ADAP1: variants seen among roughly 807,000 people sequenced by gnomAD.
ADAP1 encodes arf-GAP with dual PH domain-containing protein 1.
Under a neutral mutation model 54.9 loss-of-function variants are expected in ADAP1, and 31 were observed. The observed-to-expected ratio is 0.56, with a 90% CI of 0.42 to 0.76. ADAP1 has a LOEUF of 0.76. Ranked by LOEUF, ADAP1 falls within the 30% of genes least tolerant of loss-of-function variation. The pLI is 0.00. For synonymous variants in ADAP1, 313 were observed against 202.6 expected, an observed-to-expected ratio of 1.55 and a Z score of -4.63; for missense variants, 535 against 512.4, an observed-to-expected ratio of 1.04 and a Z score of -0.42.
chr7:955,150 G>A, upstream of ADAP1: 1 of 681,022 alleles, frequency 1.5e-6, no homozygotes, highest in Non-Finnish European at 2.6e-6. Flanking sequence ...CCCAGACGGA[G>A]CCTCCCCCTG....
At position 899,899 on chromosome 7, in the gene ADAP1, G is replaced by A. The variant is rs559197012; in HGVS notation, c.795+203C>T. Among the ~76,000 whole-genome samples, 7 of 152,358 alleles carry A rather than the reference G, an allele frequency of 4.6e-5. No individual in the cohort carries two copies. The East Asian group carries it at 1.4e-3, about 29-fold the overall frequency. On this transcript the variant is annotated intron_variant, in intron 8 of 10. Transcript: ENST00000265846. Reference sequence around the variant, plus strand: ...GGGTGAGGAAGCTGGTCAGACGTGAGCGGGCAGGGAGGGTCTAACCAAAGC... The same window carrying A: ...GGGTGAGGAAGCTGGTCAGACGTGAACGGGCAGGGAGGGTCTAACCAAAGC...
At chr7:911,226 G>T (rs1410166491) in intron 4 of ADAP1, among the ~76,000 whole-genome samples, 1 of 152,188 alleles carries the variant, frequency 6.6e-6, no homozygotes, top group East Asian at 1.9e-4. Context: ...GAGGGCTCCT[G>T]GGGTCAGCTC....
chr7:903,020 T>C (rs1233796102), intron 6 of ADAP1, among the ~76,000 whole-genome samples: 11 of 152,098 alleles, frequency 7.2e-5, no homozygotes, highest in Non-Finnish European at 2.9e-5. Context: ...GAGAAAGACG[T>C]AGGACCCGGG....
intron 2 of ADAP1, 49 bp downstream of exon 2, chr7:935,326 G>A (rs748409219): frequency 1.3e-6 from 2 of 1,538,398 alleles, no homozygotes; most frequent in South Asian, 1.2e-5. Context: ...GGCCCGGGCT[G>A]AGGCCACCCG....
intron 1 of ADAP1, 85 bp downstream of exon 1, chr7:954,311 T>TC: frequency 3.1e-6 from 3 of 982,836 alleles, no homozygotes; most frequent in Non-Finnish European, 1.2e-6. Context: ...CCCCGCCCGG[T>TC]CCCCGGGGCC....
chr7:910,665 G>A (rs1176573678), intron 4 of ADAP1, among the ~76,000 whole-genome samples: 1 of 152,230 alleles, frequency 6.6e-6, no homozygotes, highest in African/African-American at 2.4e-5. Context: ...CTTGTAAACT[G>A]GGGCAGGGAA....
intron 2 of ADAP1, among the ~76,000 whole-genome samples, chr7:928,445 C>T (rs1414339770): frequency 6.6e-6 from 1 of 152,180 alleles, no homozygotes; most frequent in East Asian, 1.9e-4. Flanking sequence ...CATATGTATA[C>T]TTTTAATTTG....
chr7:921,844 G>A (rs1280594650), intron 3 of ADAP1, among the ~76,000 whole-genome samples: 1 of 152,206 alleles, frequency 6.6e-6, no homozygotes, highest in Non-Finnish European at 1.5e-5. Flanking sequence ...TGAGAGGCAG[G>A]TGCCAGGGAC....
chr7:906,806 G>GGACAC (rs1554272533), intron 4 of ADAP1, among the ~76,000 whole-genome samples: 2 of 44,470 alleles, frequency 4.5e-5, no homozygotes, highest in African/African-American at 9.1e-5. Flanking sequence ...CAGGGGACAT[G>GGACAC]GGGGGACATG....
rs577121458 is a variant in ADAP1, at chr7:903,989, G to A, written c.648+137C>T. Reference sequence around the variant, plus strand: ...CCCGCCTTCCCACGCTGCCCAGCCCGACTTCCCGCCTTCTCATGCCGCCTA... The same window carrying A: ...CCCGCCTTCCCACGCTGCCCAGCCCAACTTCCCGCCTTCTCATGCCGCCTA... On this transcript the variant is annotated intron_variant, in intron 6 of 10. Transcript: ENST00000265846. 217 of 1,203,638 alleles carry A rather than the reference G, an allele frequency of 1.8e-4. 2 individuals are homozygous for A. The highest frequency in any genetic ancestry group is 8.4e-4 in the African/African-American group (53 of 63,306). 74.6% of individuals were successfully genotyped at this position (1,203,638 alleles called of 1,614,324 possible).
chr7:921,223 G>A (rs924521050), intron 3 of ADAP1, among the ~76,000 whole-genome samples: 2 of 152,134 alleles, frequency 1.3e-5, no homozygotes, highest in African/African-American at 4.8e-5. Context: ...CCCCCACCTC[G>A]GCGCCGTCCT....
chr7:904,010 G>A lies in ADAP1; in HGVS notation c.648+116C>T, dbSNP rs763210497. On this transcript the variant is annotated intron_variant, in intron 6 of 10. Coordinates refer to ENST00000265846, the MANE Select transcript of ADAP1 (RefSeq NM_006869.4). ...GCCCGACTTCCCGCCTTCTCATGCC[G>A]CCTAGCTCAAGTGCCTACCCTCCCG... 135 of 1,381,000 alleles carry A rather than the reference G, an allele frequency of 9.8e-5. 1 individual carries two copies. Among genetic ancestry groups the A allele is most frequent in the East Asian group, 8.5e-4 (32 of 37,442 alleles). The allele number at this position is 1,381,000 out of a possible 1,614,324, so 85.5% of individuals were successfully genotyped here.
intron 1 of ADAP1, among the ~76,000 whole-genome samples, chr7:942,523 G>T (rs374782010): frequency 5.9e-4 from 36 of 61,248 alleles, no homozygotes; most frequent in African/African-American, 1.5e-3. Flanking sequence ...GGAGAGAGGA[G>T]GAGGAAGGGA....
intron 1 of ADAP1, among the ~76,000 whole-genome samples, chr7:952,019 C>T (rs115425150): frequency 0.019 from 2,862 of 152,232 alleles, 84 homozygotes; most frequent in African/African-American, 0.065. Context: ...CGGAGGCACC[C>T]CTCCCTCCCC....
Position 920,406 on chromosome 7 carries a change from C to T in ADAP1, c.306-356G>A, listed in dbSNP as rs1294984454. On this transcript the variant is annotated intron_variant, in intron 3 of 10. Transcript: ENST00000265846. The surrounding 1 kb of genome is among the most constrained non-coding windows in gnomAD (Gnocchi z 4.5). The stretch of plus-strand genomic sequence containing the variant: ...GGTACAGGGGTTGAGCCAGGCCCCC[C>T]CACCCCGAGTCACACGCCCCTGGGC... Among the ~76,000 whole-genome samples, 1 of 151,916 alleles carries T rather than the reference C, an allele frequency of 6.6e-6. No homozygotes were observed. The highest frequency in any genetic ancestry group is 1.5e-5 in the Non-Finnish European group (1 of 67,900).
chr7:919,588 G>A (rs1846082739), intron 4 of ADAP1, among the ~76,000 whole-genome samples: 1 of 145,842 alleles, frequency 6.9e-6, no homozygotes, highest in Non-Finnish European at 1.5e-5. Flanking sequence ...TAGACGTGAA[G>A]AGAGAGGAAG....
Position 926,442 on chromosome 7 carries a change from C to A in ADAP1, c.305+111G>T. The A allele has an allele frequency of 1.0e-6, 1 of 952,410 alleles. No individual in the cohort carries two copies. Among genetic ancestry groups the A allele is most frequent in the Non-Finnish European group, 1.5e-6 (1 of 661,786 alleles). The allele number at this position is 952,410 out of a possible 1,614,324, so 59.0% of individuals were successfully genotyped here. A position where few individuals can be genotyped will look rare whatever the true frequency, so the allele number is the denominator to read the frequency against. On this transcript the variant is annotated intron_variant, in intron 3 of 10. Transcript: ENST00000265846. The surrounding 1 kb of genome is among the most constrained non-coding windows in gnomAD (Gnocchi z 4.6). ...GGGGACGCAGCTGCGGCTGGCTTCT[C>A]CCCGACCCTGTGGGCGGCACCCAAC...
chr7:900,082 C>T lies in ADAP1; in HGVS notation c.795+20G>A, dbSNP rs373963797. 1.4e-5 allele frequency: 22 copies of T among 1,612,712 alleles called. No homozygotes were observed. Among genetic ancestry groups the T allele is most frequent in the Middle Eastern group, 1.6e-4 (1 of 6,082 alleles). On this transcript the variant is annotated intron_variant, in intron 8 of 10. Transcript: ENST00000265846. ...TGGCGTACCCCAGGCCACCCCAGGC[C>T]GCACGTGCGGCACACCCACCTTGGG...
At chr7:949,883 T>C (rs1487514653) in intron 1 of ADAP1, among the ~76,000 whole-genome samples, 1 of 152,240 alleles carries the variant, frequency 6.6e-6, no homozygotes, top group Non-Finnish European at 1.5e-5. Flanking sequence ...GAAACCTGTC[T>C]AGCAGTTCTT....
Sources: gnomAD v4.1 joint callset for allele counts (sites outside exome capture counted in the v4.1 genomes callset) on GRCh38, gnomAD v4.1.1 for gene constraint, Gnocchi (gnomAD v3.1) non-coding constraint, MANE v1.5 for transcripts, NCBI Gene and HGNC (gene_info 2026-07-23, HGNC 2026-07-21) for gene names.